Variants in VAV3 observed in about 807,000 individuals in gnomAD.
VAV3 encodes the protein vav guanine nucleotide exchange factor 3.
VAV3 carries 94 observed loss-of-function variants against 131.2 expected under a neutral mutation model. The observed-to-expected ratio is 0.72, with a 90% CI of 0.61 to 0.85. The LOEUF (loss-of-function observed/expected upper bound fraction) is 0.85. VAV3 is among the 40% of genes least tolerant of loss of function. The probability of loss-of-function intolerance (pLI) is 0.00; values close to 1 mark genes in which losing one functional copy is unlikely to be tolerated. For missense variants in VAV3, 939 were observed against 1,002.7 expected (o/e 0.94, Z 0.86); for synonymous variants, 349 against 342.0 (o/e 1.02, Z -0.22).
chr1:107,897,250 T>C (rs1671630100), intron 1 of VAV3: 1 of 150,994 alleles, frequency 6.6e-6, no homozygotes. Context: ...TACATACATA[T>C]GCCTACTACT....
At chr1:107,789,056 A>T (rs1666156473) in intron 2 of VAV3, among the ~76,000 whole-genome samples, 1 of 152,104 alleles carries the variant, frequency 6.6e-6, no homozygotes, top group Admixed American at 6.5e-5. Flanking sequence ...TTTCACATGA[A>T]CTCCCTTTGA....
chr1:107,889,834 G>A (rs1338343900), intron 1 of VAV3, among the ~76,000 whole-genome samples: 2 of 152,138 alleles, frequency 1.3e-5, no homozygotes, highest in African/African-American at 2.4e-5. Context: ...AGAACACAGA[G>A]ATTACGGTAT....
intron 17 of VAV3, 136 bp downstream of exon 17, chr1:107,704,414 T>C (rs1465714025): frequency 1.6e-6 from 1 of 620,518 alleles, no homozygotes; most frequent in East Asian, 3.0e-5. Context: ...ATTTTTCTAA[T>C]TGTGCTTATA....
At chr1:107,693,677 T>C (rs1659575207) in intron 17 of VAV3, among the ~76,000 whole-genome samples, 1 of 152,160 alleles carries the variant, frequency 6.6e-6, no homozygotes, top group Non-Finnish European at 1.5e-5. Context: ...TATATTCTGG[T>C]TGAAATAGTC....
chr1:107,958,432 A>G (rs1674920148), intron 1 of VAV3, among the ~76,000 whole-genome samples: 1 of 152,192 alleles, frequency 6.6e-6, no homozygotes, highest in African/African-American at 2.4e-5. Context: ...CAGCAGCATC[A>G]AAACTCAGCT....
Position 107,768,447 on chromosome 1 carries a change from G to A in VAV3, c.711C>T (p.Asn237=). ...TAAEFDSVFI[N]IPELVKLHRN... is the part of the protein sequence containing the mutation. ...CTAGCATATTTTTACTCACAGGAAT[G>A]TTGATGAATACTGAATCAAATTCTG... Residue 237 remains asparagine (N), a synonymous_variant, in exon 7 of 27, where the codon AAC becomes AAT. Coordinates refer to ENST00000370056, the MANE Select transcript of VAV3 (RefSeq NM_006113.5). 1 of 1,611,086 alleles carries A rather than the reference G, an allele frequency of 6.2e-7. No individual in the cohort carries two copies. The highest frequency in any genetic ancestry group is 1.1e-5 in the South Asian group (1 of 90,394).
chr1:107,923,350 T>A (rs1266246897), intron 1 of VAV3, among the ~76,000 whole-genome samples: 4 of 152,074 alleles, frequency 2.6e-5, no homozygotes, highest in African/African-American at 9.7e-5. Flanking sequence ...AATTCATAAG[T>A]TGAAATCCTA....
chr1:107,916,702 C>T (rs1461390203), intron 1 of VAV3, among the ~76,000 whole-genome samples: 3 of 151,994 alleles, frequency 2.0e-5, no homozygotes, highest in Non-Finnish European at 4.4e-5. Context: ...TGGAGTGTCT[C>T]TTTTTTGATC....
At chr1:107,832,922 A>G (rs1668314920) in intron 2 of VAV3, among the ~76,000 whole-genome samples, 1 of 152,174 alleles carries the variant, frequency 6.6e-6, no homozygotes, top group Non-Finnish European at 1.5e-5. Context: ...ATACTATTCT[A>G]TTTTGTGTGC....
At chr1:107,819,083 C>G (rs1255866641) in intron 2 of VAV3, among the ~76,000 whole-genome samples, 1 of 152,056 alleles carries the variant, frequency 6.6e-6, no homozygotes, top group African/African-American at 2.4e-5. Context: ...AAGCTTTGAA[C>G]TTTTCTGAAC....
At chr1:107,633,755 A>G (rs990501663) in intron 20 of VAV3, among the ~76,000 whole-genome samples, 2 of 152,134 alleles carry the variant, frequency 1.3e-5, no homozygotes, top group African/African-American at 4.8e-5. Flanking sequence ...CAGCTACCAT[A>G]TAGGAAGTCT....
At chr1:107,810,839 C>T (rs528807116) in intron 2 of VAV3, among the ~76,000 whole-genome samples, 38 of 151,396 alleles carry the variant, frequency 2.5e-4, no homozygotes, top group South Asian at 4.2e-4. Context: ...AAACAATACG[C>T]GACAGGACCA....
At chr1:107,950,994 A>G (rs1350218819) in intron 1 of VAV3, among the ~76,000 whole-genome samples, 2 of 152,166 alleles carry the variant, frequency 1.3e-5, no homozygotes, top group Admixed American at 6.5e-5. Context: ...AAGAGAATAG[A>G]CCATCATCTC....
At chr1:107,573,422 T>G in intron 26 of VAV3, 50 bp from the exon 27 acceptor site, 2 of 1,607,466 alleles carry the variant, frequency 1.2e-6, no homozygotes, top group South Asian at 1.1e-5. Flanking sequence ...TATCTGACAC[T>G]TCAAAGGATT....
intron 25 of VAV3, among the ~76,000 whole-genome samples, chr1:107,580,774 A>T (rs987795760): frequency 6.6e-6 from 1 of 152,226 alleles, no homozygotes; most frequent in Non-Finnish European, 1.5e-5. Flanking sequence ...CCCAGATGTA[A>T]GCAATATCAG....
In VAV3 at chr1:107,663,500, G is replaced by GA. The variant is rs199752580; in HGVS notation, c.1777+19987dup. ...ACTTTGGATCGAAAATGAATATAATGAAAAAAAAATGGTTTGATAAGCTCT... is the reference window on the plus strand; with the variant it reads ...ACTTTGGATCGAAAATGAATATAATGAAAAAAAAAATGGTTTGATAAGCTCT... On this transcript the variant is annotated intron_variant, in intron 19 of 26. Coordinates refer to ENST00000370056, the MANE Select transcript of VAV3 (RefSeq NM_006113.5). 1.1e-3 allele frequency among the ~76,000 whole-genome samples: 160 copies of GA among 149,368 alleles called. 1 individual carries two copies. The highest frequency in any genetic ancestry group is 3.1e-3 in the East Asian group (16 of 5,112).
At chr1:107,944,040 T>C (rs1674128326) in intron 1 of VAV3, among the ~76,000 whole-genome samples, 1 of 152,246 alleles carries the variant, frequency 6.6e-6, no homozygotes, top group Non-Finnish European at 1.5e-5. Context: ...CATTTGCCTG[T>C]AGGCTAGGCT....
intron 1 of VAV3, among the ~76,000 whole-genome samples, chr1:107,883,290 G>A (rs969691873): frequency 3.3e-5 from 5 of 152,154 alleles, no homozygotes; most frequent in African/African-American, 1.2e-4. Context: ...GGTAATAACT[G>A]TGCTTAACTA....
At chr1:107,910,112 G>C (rs1298671521) in intron 1 of VAV3, among the ~76,000 whole-genome samples, 2 of 152,140 alleles carry the variant, frequency 1.3e-5, no homozygotes, top group Non-Finnish European at 2.9e-5. Context: ...TCATTTTACA[G>C]AAGAGGAAAT....
Sources: gnomAD v4.1 joint callset for allele counts (sites outside exome capture counted in the v4.1 genomes callset) on GRCh38, gnomAD v4.1.1 for gene constraint, MANE v1.5 for transcripts, NCBI Gene and HGNC (gene_info 2026-07-23, HGNC 2026-07-21) for gene names.